The following PXDNL variants were observed in gnomAD, a reference collection of about 807,000 sequenced individuals.
The protein encoded by PXDNL is peroxidasin like.
Under a neutral mutation model 150.8 loss-of-function variants are expected in PXDNL, and 145 were observed. The ratio of observed to expected loss-of-function variants is 0.96; its 90% confidence interval spans 0.84 to 1.10. PXDNL has a LOEUF of 1.10. Ranked by LOEUF, PXDNL falls within the 50% of genes least tolerant of loss-of-function variation. The pLI, the probability that PXDNL is intolerant of heterozygous loss-of-function variation, is 0.00. For synonymous variants in PXDNL, 757 were observed against 725.7 expected (o/e 1.04, Z -0.69); for missense variants, 2,087 against 1,873.9 (o/e 1.11, Z -2.10).
intron 4 of PXDNL, among the ~76,000 whole-genome samples, chr8:51,517,006 A>G (rs1027098695): frequency 6.6e-6 from 1 of 152,190 alleles, no homozygotes; most frequent in Non-Finnish European, 1.5e-5. Context: ...CATGTTCTGT[A>G]TATTCTTCCT....
At chr8:51,671,915 T>C (rs1023317065) in intron 1 of PXDNL, among the ~76,000 whole-genome samples, 2 of 152,248 alleles carry the variant, frequency 1.3e-5, no homozygotes, top group Admixed American at 1.3e-4. Flanking sequence ...GATAAGCGCA[T>C]ATTTTAAATA....
chr8:51,628,620 A>T (rs565265224), intron 2 of PXDNL, among the ~76,000 whole-genome samples: 57 of 151,266 alleles, frequency 3.8e-4, no homozygotes, highest in African/African-American at 1.3e-3. Flanking sequence ...AGGCAGGAGG[A>T]TCTCGATCTC....
chr8:51,377,416 C>A (rs574845886), intron 17 of PXDNL, among the ~76,000 whole-genome samples: 1 of 152,302 alleles, frequency 6.6e-6, no homozygotes, highest in South Asian at 2.1e-4. Context: ...CCACTCTGGC[C>A]GTGCTTGAGG....
chr8:51,377,567 C>T (rs531281364), intron 17 of PXDNL, among the ~76,000 whole-genome samples: 2 of 152,342 alleles, frequency 1.3e-5, no homozygotes, highest in East Asian at 3.9e-4. Context: ...TGCGGGCCAG[C>T]GCGAGTTCCG....
intron 3 of PXDNL, among the ~76,000 whole-genome samples, chr8:51,564,763 G>A (rs1299911668): frequency 2.0e-5 from 3 of 151,892 alleles, no homozygotes; most frequent in Admixed American, 2.0e-4. Flanking sequence ...ACTTATGCAA[G>A]GCTCATCAAT....
intron 11 of PXDNL, among the ~76,000 whole-genome samples, chr8:51,447,963 G>A (rs77542646): frequency 0.18 from 27,318 of 152,184 alleles, 2,674 homozygotes; most frequent in East Asian, 0.27. Flanking sequence ...CAGTTAACAG[G>A]TTTGCTCAAG....
chr8:51,690,217 T>C (rs1350199413), intron 1 of PXDNL, among the ~76,000 whole-genome samples: 1 of 152,180 alleles, frequency 6.6e-6, no homozygotes, highest in Non-Finnish European at 1.5e-5. Flanking sequence ...ATGTGCACAA[T>C]GTGCAGGTTA....
chr8:51,696,231 G>C (rs1383084174), intron 1 of PXDNL, among the ~76,000 whole-genome samples: 1 of 152,172 alleles, frequency 6.6e-6, no homozygotes, highest in Non-Finnish European at 1.5e-5. Flanking sequence ...CTGCATTAGA[G>C]ACAGGGCCTT....
At chr8:51,754,614 C>T (rs1014404815) in intron 1 of PXDNL, among the ~76,000 whole-genome samples, 1 of 152,168 alleles carries the variant, frequency 6.6e-6, no homozygotes, top group African/African-American at 2.4e-5. Context: ...TTCCATTCTC[C>T]TGCCTCAGCC....
At chr8:51,772,442 G>T (rs912242463) in intron 1 of PXDNL, among the ~76,000 whole-genome samples, 1 of 152,122 alleles carries the variant, frequency 6.6e-6, no homozygotes, top group African/African-American at 2.4e-5. Context: ...GGGTGGGAGA[G>T]CCTGGAGCCA....
At chr8:51,551,248 A>G (rs997975942) in intron 4 of PXDNL, among the ~76,000 whole-genome samples, 1 of 152,220 alleles carries the variant, frequency 6.6e-6, no homozygotes, top group Non-Finnish European at 1.5e-5. Context: ...AAATGACCAT[A>G]CTGCCAAAAG....
At chr8:51,612,680 C>T (rs1485124465) in intron 2 of PXDNL, among the ~76,000 whole-genome samples, 3 of 152,298 alleles carry the variant, frequency 2.0e-5, no homozygotes, top group Admixed American at 2.0e-4. Context: ...CTCCCCAATT[C>T]CACCATGGGA....
rs984918759 is a variant in PXDNL, at chr8:51,762,921, A to C, written c.164+46260T>G. On this transcript the variant is annotated intron_variant, in intron 1 of 22. Coordinates refer to ENST00000356297, the MANE Select transcript of PXDNL (RefSeq NM_144651.5). The stretch of plus-strand genomic sequence containing the variant: ...TGAGAAAACAAGCCAAAGGGAAAAA[A>C]GAAGTATAACAGCTTTCTTGAGATA... Among the ~76,000 whole-genome samples the C allele has an allele frequency of 1.3e-5, 2 of 152,234 alleles. 1 individual carries two copies. Among genetic ancestry groups the C allele is most frequent in the South Asian group, 4.1e-4 (2 of 4,826 alleles).
intron 2 of PXDNL, among the ~76,000 whole-genome samples, chr8:51,634,707 T>A (rs751569284): frequency 6.6e-6 from 1 of 152,258 alleles, no homozygotes; most frequent in African/African-American, 2.4e-5. Flanking sequence ...TTTGGTTAGA[T>A]GTATTCCTAC....
chr8:51,397,176 T>C (rs1808108265), intron 17 of PXDNL, among the ~76,000 whole-genome samples: 1 of 152,264 alleles, frequency 6.6e-6, no homozygotes, highest in South Asian at 2.1e-4. Flanking sequence ...TTCTTGTACT[T>C]ATGAAATAAA....
At chr8:51,524,055 G>C (rs1442250218) in intron 4 of PXDNL, among the ~76,000 whole-genome samples, 2 of 152,200 alleles carry the variant, frequency 1.3e-5, no homozygotes, top group South Asian at 2.1e-4. Flanking sequence ...GCACCCCACT[G>C]CCTGTGTGGC....
intron 1 of PXDNL, among the ~76,000 whole-genome samples, chr8:51,706,556 T>A (rs1816382529): frequency 6.6e-6 from 1 of 152,200 alleles, no homozygotes; most frequent in Admixed American, 6.5e-5. Flanking sequence ...TTTATTTTCA[T>A]TAACTACCAT....
At chr8:51,483,896 C>T (rs1397968270) in intron 5 of PXDNL, among the ~76,000 whole-genome samples, 182 bp from the exon 6 acceptor site, 2 of 152,174 alleles carry the variant, frequency 1.3e-5, no homozygotes, top group Non-Finnish European at 2.9e-5. Context: ...ATATCTCTAT[C>T]TACCACTACT....
rs565582212 is a variant in PXDNL, at chr8:51,530,745, C to T, written c.380+26095G>A. ...CCTTCGCTCCCTCCAGGCCTCAGTC[C>T]TGCTGTGAGGGCTTCCCTACACCCT... On this transcript the variant is annotated intron_variant, in intron 4 of 22. Coordinates refer to ENST00000356297, the MANE Select transcript of PXDNL (RefSeq NM_144651.5). Among the ~76,000 whole-genome samples, 3 of 152,230 alleles carry T rather than the reference C, an allele frequency of 2.0e-5. No homozygotes were observed. The South Asian group carries it at 6.2e-4, about 32-fold the overall frequency.
Sources: gnomAD v4.1 joint callset for allele counts (sites outside exome capture counted in the v4.1 genomes callset) on GRCh38, gnomAD v4.1.1 for gene constraint, MANE v1.5 for transcripts, NCBI Gene and HGNC (gene_info 2026-07-23, HGNC 2026-07-21) for gene names.